Variants in THSD7A observed in about 807,000 individuals in gnomAD.
The protein encoded by THSD7A is thrombospondin type-1 domain-containing protein 7A.
THSD7A carries 96 observed loss-of-function variants against 231.3 expected under a neutral mutation model. That is an observed-to-expected ratio of 0.41 (90% CI 0.35 to 0.49). The LOEUF is 0.49. THSD7A is among the 20% of genes least tolerant of loss of function. The pLI, the probability that THSD7A is intolerant of heterozygous loss-of-function variation, is 0.05. For missense variants in THSD7A, 2,290 were observed against 2,070.2 expected, an observed-to-expected ratio of 1.11 and a Z score of -2.06; for synonymous variants, 940 against 743.3, an observed-to-expected ratio of 1.26 and a Z score of -4.30.
At chr7:11,608,566 C>T (rs1780813815) in intron 2 of THSD7A, among the ~76,000 whole-genome samples, 1 of 151,956 alleles carries the variant, frequency 6.6e-6, no homozygotes, top group Non-Finnish European at 1.5e-5. Context: ...CCTGGAGGTC[C>T]CAGTGATTAC....
chr7:11,530,439 G>C (rs1463267569), intron 6 of THSD7A, among the ~76,000 whole-genome samples: 1 of 152,168 alleles, frequency 6.6e-6, no homozygotes, highest in Non-Finnish European at 1.5e-5. Context: ...TTATGGTTCA[G>C]AGATTTATTG....
At chr7:11,650,444 C>G (rs1223736859) in intron 1 of THSD7A, among the ~76,000 whole-genome samples, 1 of 152,048 alleles carries the variant, frequency 6.6e-6, no homozygotes, top group African/African-American at 2.4e-5. Context: ...TAACTATAAA[C>G]AGGAAGCTAC....
Position 11,636,850 on chromosome 7 carries a change from T to C in THSD7A, c.302A>G (p.Gln101Arg). 6.2e-7 allele frequency: 1 copy of C among 1,613,982 alleles called. No homozygotes were observed. Among genetic ancestry groups the C allele is most frequent in the South Asian group, 1.1e-5 (1 of 91,080 alleles). Reference protein sequence around the residue: ...GWTTLHTNCKQAERPNNQQNC... With the variant: ...GWTTLHTNCKRAERPNNQQNC... ...CTGCTGGTTATTGGGTCTCTCGGCC[T>C]GCTTACAGTTAGTATGCAGTGTAGT... is the stretch of plus-strand genomic sequence containing the variant. Residue 101 changes from glutamine to arginine, a missense_variant, in exon 2 of 28, where the codon CAG becomes CGG. Gln to Arg is a conservative substitution (Grantham distance 43). Coordinates refer to ENST00000423059, the MANE Select transcript of THSD7A (RefSeq NM_015204.3). This position sits in a 1 kb window ranked among gnomAD's most constrained non-coding sequence, Gnocchi z 10.0.
intron 1 of THSD7A, among the ~76,000 whole-genome samples, chr7:11,796,577 G>T (rs1468327481): frequency 6.6e-6 from 1 of 150,574 alleles, no homozygotes; most frequent in Non-Finnish European, 1.5e-5. Context: ...AATAAAATGT[G>T]TGTTTTTTTT....
At chr7:11,592,628 G>A (rs1237619295) in intron 3 of THSD7A, among the ~76,000 whole-genome samples, 1 of 152,070 alleles carries the variant, frequency 6.6e-6, no homozygotes. Flanking sequence ...TAAACAAAAA[G>A]CAAACAAGCA....
At chr7:11,805,682 G>T (rs1215746664) in intron 1 of THSD7A, among the ~76,000 whole-genome samples, 1 of 151,940 alleles carries the variant, frequency 6.6e-6, no homozygotes, top group African/African-American at 2.4e-5. Context: ...TAATGTAAAA[G>T]AAATACGTGA....
At chr7:11,418,923 T>A (rs1784049951) in intron 16 of THSD7A, among the ~76,000 whole-genome samples, 2 of 152,156 alleles carry the variant, frequency 1.3e-5, no homozygotes, top group South Asian at 4.1e-4. Flanking sequence ...TAAATCAAAT[T>A]GTGAATATTT....
At chr7:11,670,490 C>G (rs1162906824) in intron 1 of THSD7A, among the ~76,000 whole-genome samples, 1 of 152,204 alleles carries the variant, frequency 6.6e-6, no homozygotes, top group Non-Finnish European at 1.5e-5. Context: ...TAGGGCTCAC[C>G]TAGCCAGCTA....
rs116450826 is a variant in THSD7A, at chr7:11,794,089, T to G, written c.190+37668A>C. ...CAGATGATTAAAGATTTTCTTAAGT[T>G]CTATATTCCTTTACTTAATTATATT... On this transcript the variant is annotated intron_variant, in intron 1 of 27. Transcript: ENST00000423059. 9.8e-3 allele frequency among the ~76,000 whole-genome samples: 1,487 copies of G among 151,984 alleles called. 24 individuals carry two copies. Among genetic ancestry groups the G allele is most frequent in the African/African-American group, 0.034 (1,399 of 41,508 alleles).
Position 11,543,218 on chromosome 7 carries a change from G to A in THSD7A, c.1454-101C>T, listed in dbSNP as rs932075052. Reference sequence around the variant, plus strand: ...TGTATGGAAAAGGAAAATCCTTAAAGAAGTGCTACCAAGACATTATTCCAA... The same window carrying A: ...TGTATGGAAAAGGAAAATCCTTAAAAAAGTGCTACCAAGACATTATTCCAA... On this transcript the variant is annotated intron_variant, in intron 4 of 27. Transcript: ENST00000423059. 1.5e-5 allele frequency: 15 copies of A among 1,007,188 alleles called. No homozygotes were observed. In the East Asian group the frequency reaches 3.7e-4, roughly 25 times the overall value. 62.4% of individuals were successfully genotyped at this position (1,007,188 alleles called of 1,614,324 possible).
rs1250764214 is a variant in THSD7A at position 11,551,395 on chromosome 7, C to T, written c.1454-8278G>A. 6.6e-5 allele frequency among the ~76,000 whole-genome samples: 10 copies of T among 152,184 alleles called. No homozygotes were observed. The Middle Eastern group carries it at 0.014, about 207-fold the overall frequency. On this transcript the variant is annotated intron_variant, in intron 4 of 27. Coordinates refer to ENST00000423059, the MANE Select transcript of THSD7A (RefSeq NM_015204.3). Reference sequence around the variant, plus strand: ...TCTGCACAGCAAAAGAAACTATCCACTGAGTAAACAGATAACTTACAAAGT... The same window carrying T: ...TCTGCACAGCAAAAGAAACTATCCATTGAGTAAACAGATAACTTACAAAGT...
chr7:11,722,985 C>T (rs929021107), intron 1 of THSD7A, among the ~76,000 whole-genome samples: 1 of 151,766 alleles, frequency 6.6e-6, no homozygotes, highest in Non-Finnish European at 1.5e-5. Flanking sequence ...GGGTATATAC[C>T]CAAAGGATTA....
In THSD7A at chr7:11,411,189, AAC is replaced by A. The variant is rs752604011; in HGVS notation, c.3798+16_3798+17del. On this transcript the variant is annotated intron_variant, in intron 19 of 27. Coordinates refer to ENST00000423059, the MANE Select transcript of THSD7A (RefSeq NM_015204.3). The surrounding 1 kb of genome is among the most constrained non-coding windows in gnomAD (Gnocchi z 4.1). Reference sequence around the variant, plus strand: ...GGGAAGAATTTACTCGCGAAGATATAACACAGCATCCACCTACCGCTTCACAA... The same window carrying A: ...GGGAAGAATTTACTCGCGAAGATATAACAGCATCCACCTACCGCTTCACAA... 3.8e-6 allele frequency: 6 copies of A among 1,586,812 alleles called. No homozygotes were observed. Among genetic ancestry groups the A allele is most frequent in the South Asian group, 3.3e-5 (3 of 90,190 alleles).
At chr7:11,500,531 A>G (rs536940915) in intron 6 of THSD7A, among the ~76,000 whole-genome samples, 3 of 152,180 alleles carry the variant, frequency 2.0e-5, no homozygotes, top group Non-Finnish European at 4.4e-5. Flanking sequence ...CAAGCTGGAT[A>G]AAAAAGCAAG....
At chr7:11,510,636 A>G (rs1247055210) in intron 6 of THSD7A, among the ~76,000 whole-genome samples, 1 of 152,222 alleles carries the variant, frequency 6.6e-6, no homozygotes, top group East Asian at 1.9e-4. Context: ...GAATCAATAA[A>G]TGTAATCCAT....
chr7:11,573,516 A>T (rs140837415), intron 4 of THSD7A, among the ~76,000 whole-genome samples: 164 of 152,352 alleles, frequency 1.1e-3, no homozygotes, highest in African/African-American at 3.8e-3. Flanking sequence ...CTCAGTTCAC[A>T]ACTGTAATCA....
chr7:11,742,533 C>T (rs554402867), intron 1 of THSD7A, among the ~76,000 whole-genome samples: 1 of 151,646 alleles, frequency 6.6e-6, no homozygotes, highest in African/African-American at 2.4e-5. Flanking sequence ...GTTCCAAGAA[C>T]CTTTATGTTG....
At chr7:11,821,088 A>G (rs548649720) in intron 1 of THSD7A, 3 of 1,007,244 alleles carry the variant, frequency 3.0e-6, no homozygotes, top group East Asian at 2.4e-5. Context: ...GGAAATGTCT[A>G]TTGTCCTGTA....
At chr7:11,796,104 A>T (rs1784118019) in intron 1 of THSD7A, among the ~76,000 whole-genome samples, 1 of 145,316 alleles carries the variant, frequency 6.9e-6, no homozygotes, top group Admixed American at 7.1e-5. Flanking sequence ...CTATACTACA[A>T]AAGTGTAACG....
Sources: allele counts gnomAD v4.1 joint callset (sites outside exome capture counted in the v4.1 genomes callset), GRCh38; gene constraint gnomAD v4.1.1; non-coding constraint Gnocchi (gnomAD v3.1); transcripts MANE v1.5; gene names NCBI Gene and HGNC (gene_info 2026-07-23, HGNC 2026-07-21).